Variants in HERPUD1 observed in about 807,000 individuals in gnomAD.
HERPUD1 encodes the protein homocysteine-responsive endoplasmic reticulum-resident ubiquitin-like domain member 1 protein.
A neutral mutation model predicts 45.0 loss-of-function variants in HERPUD1; 17 were observed. That is an observed-to-expected ratio of 0.38 (90% CI 0.26 to 0.57). The LOEUF is 0.57. Among genes scored for constraint, HERPUD1 ranks in the 20% least tolerant of loss-of-function variants. The pLI, the probability that HERPUD1 is intolerant of heterozygous loss-of-function variation, is 0.72. For synonymous variants in HERPUD1, 164 were observed against 177.5 expected, an observed-to-expected ratio of 0.92 and a Z score of 0.61; for missense variants, 420 against 490.5, an observed-to-expected ratio of 0.86 and a Z score of 1.36.
At position 56,935,229 on chromosome 16, in the gene HERPUD1, G is replaced by A; in HGVS notation, c.148-6G>A. ...GACCTGTGTTACTCTTTCTTTCCAT[G>A]ATCAGCGTCCAGAGGACCAGAGGTT... On this transcript the variant is annotated splice_polypyrimidine_tract_variant and splice_region_variant and intron_variant, in intron 1 of 7. Coordinates refer to ENST00000439977, the MANE Select transcript of HERPUD1 (RefSeq NM_014685.4). 6.2e-7 allele frequency: 1 copy of A among 1,609,220 alleles called. No individual in the cohort carries two copies. The highest frequency in any genetic ancestry group is 8.5e-7 in the Non-Finnish European group (1 of 1,175,626).
chr16:56,935,456 T>C lies in HERPUD1; in HGVS notation c.281T>C (p.Met94Thr). The C allele has an allele frequency of 6.2e-7, 1 of 1,614,186 alleles. No individual in the cohort carries two copies. Among genetic ancestry groups the C allele is most frequent in the Non-Finnish European group, 8.5e-7 (1 of 1,180,004 alleles). Reference sequence around the variant, plus strand: ...TGCAATGTGAAGAGTCCTTCAAAAATGCCAGAAATCAACGCCAAGGTGTGT... The same window carrying C: ...TGCAATGTGAAGAGTCCTTCAAAAACGCCAGAAATCAACGCCAAGGTGTGT... The part of the protein sequence containing the change: ...LVCNVKSPSK[M>T]PEINAKVAES... The change falls in exon 3 of 8, where the codon ATG (methionine) becomes ACG (threonine). Residue 94 changes from methionine to threonine, a missense_variant. Transcript: ENST00000439977.
chr16:56,939,488 T>TGCA, intron 5 of HERPUD1, 129 bp downstream of exon 5: 2 of 1,206,910 alleles, frequency 1.7e-6, no homozygotes, highest in Non-Finnish European at 2.4e-6. Flanking sequence ...AGCCCTGCTC[T>TGCA]GTTTGGTCTG....
At position 56,940,159 on chromosome 16, in the gene HERPUD1, A is replaced by G. The variant is rs2055898338; in HGVS notation, c.819A>G (p.Thr273=). ...TGGATTGGACCTATTCAGCAGCTAC[A>G]TTTTCTGTTTTTCTCAGTATCCTCT... ...DWLDWTYSAA[T]FSVFLSILYF... Residue 273 remains threonine, a synonymous_variant, in exon 6 of 8, where the codon ACA becomes ACG. Transcript: ENST00000439977. The G allele has an allele frequency of 1.9e-6, 3 of 1,614,134 alleles. No homozygotes were observed. Among genetic ancestry groups the G allele is most frequent in the East Asian group, 2.2e-5 (1 of 44,886 alleles).
chr16:56,942,359 G>A (rs2055917015), intron 7 of HERPUD1, 122 bp downstream of exon 7: 1 of 625,570 alleles, frequency 1.6e-6, no homozygotes, highest in Non-Finnish European at 2.8e-6. Flanking sequence ...TTCATGATTT[G>A]TTCACATTTC....
At chr16:56,940,585 C>T (rs1398518161) in intron 6 of HERPUD1, among the ~76,000 whole-genome samples, 2 of 152,070 alleles carry the variant, frequency 1.3e-5, no homozygotes, top group East Asian at 1.9e-4. Context: ...GTATTACAGG[C>T]GTGAGCCACC....
rs2055925023 is a variant in HERPUD1, at chr16:56,943,221, A to G, written c.1107A>G (p.Thr369=). The G allele has an allele frequency of 6.2e-7, 1 of 1,614,084 alleles. No individual in the cohort carries two copies. Among genetic ancestry groups the G allele is most frequent in the Admixed American group, 1.7e-5 (1 of 59,992 alleles). The change falls in exon 8 of 8, where the codon ACA becomes ACG. Residue 369 remains threonine (T), a synonymous_variant. Transcript: ENST00000439977. Reference sequence around the variant, plus strand: ...AGACCAGCCCCTCCTTTATGAGCACAGCATGGCTTGTCTTCAAGACTTTCT... The same window carrying G: ...AGACCAGCCCCTCCTTTATGAGCACGGCATGGCTTGTCTTCAAGACTTTCT... ...GEQTSPSFMS[T]AWLVFKTFFA... is the part of the protein sequence containing the mutation.
chr16:56,943,249 G>A lies in HERPUD1; in HGVS notation c.1135G>A (p.Ala379Thr). 6.2e-7 allele frequency: 1 copy of A among 1,614,096 alleles called. No individual in the cohort carries two copies. Among genetic ancestry groups the A allele is most frequent in the Non-Finnish European group, 8.5e-7 (1 of 1,180,020 alleles). Residue 379 changes from alanine to threonine, a missense_variant, in exon 8 of 8, where the codon GCC becomes ACC. Ala to Thr is a moderately conservative substitution (Grantham distance 58, BLOSUM62 0). Transcript: ENST00000439977. ...TAWLVFKTFF[A>T]SLLPEGPPAI... ...ATGGCTTGTCTTCAAGACTTTCTTT[G>A]CCTCTCTTCTTCCAGAAGGCCCCCC...
At chr16:56,934,736 G>A (rs182168044) in intron 1 of HERPUD1, among the ~76,000 whole-genome samples, 7 of 82,676 alleles carry the variant, frequency 8.5e-5, no homozygotes, top group African/African-American at 3.1e-4. Context: ...TTTTGAGATA[G>A]GGTCTCACTC....
intron 4 of HERPUD1, among the ~76,000 whole-genome samples, chr16:56,938,223 G>A (rs1001816810): frequency 3.3e-5 from 5 of 152,132 alleles, no homozygotes; most frequent in South Asian, 2.1e-4. Flanking sequence ...AAGATGACTC[G>A]CATACACCTG....
At chr16:56,933,097 T>C (rs2055839839) in intron 1 of HERPUD1, 3 of 367,262 alleles carry the variant, frequency 8.2e-6, no homozygotes, top group South Asian at 6.2e-5. Context: ...CCGCCTGCCC[T>C]GGCCACCACG....
Position 56,940,012 on chromosome 16 carries a change from G to T in HERPUD1, c.672G>T (p.Gln224His), listed in dbSNP as rs577380719. ...PIHNQFPAEN[Q>H]PANQNAAPQV... ...ACAACCAGTTTCCAGCTGAAAACCA[G>T]CCTGCCAATCAGAATGCTGCTCCTC... Residue 224 changes from glutamine (Q) to histidine (H), a missense_variant, in exon 6 of 8, where the codon CAG (glutamine) becomes CAT (histidine). Physicochemically the swap from Gln to His is conservative, Grantham distance 24. Coordinates refer to ENST00000439977, the MANE Select transcript of HERPUD1 (RefSeq NM_014685.4). The T allele has an allele frequency of 1.2e-5, 19 of 1,614,176 alleles. No individual in the cohort carries two copies. The South Asian group carries it at 2.0e-4, about 17-fold the overall frequency.
At chr16:56,940,332 G>T (rs1364575337) in intron 6 of HERPUD1, 87 bp downstream of exon 6, 2 of 916,732 alleles carry the variant, frequency 2.2e-6, no homozygotes, top group African/African-American at 1.7e-5. Flanking sequence ...TGTTTTTTTT[G>T]AGATGGAGTC....
chr16:56,935,437 G>C lies in HERPUD1; in HGVS notation c.262G>C (p.Val88Leu). 6.2e-7 allele frequency: 1 copy of C among 1,614,210 alleles called. No individual in the cohort carries two copies. The highest frequency in any genetic ancestry group is 8.5e-7 in the Non-Finnish European group (1 of 1,180,026). The change falls in exon 3 of 8, where the codon GTG becomes CTG. Residue 88 changes from valine (V) to leucine (L), a missense_variant. Val to Leu is a conservative substitution (Grantham distance 32). Transcript: ENST00000439977. ...KRHVLHLVCN[V>L]KSPSKMPEIN... is the part of the protein sequence containing the mutation. ...GCATGTTTTGCATCTGGTGTGCAAT[G>C]TGAAGAGTCCTTCAAAAATGCCAGA...
rs79876588 is a variant in HERPUD1, at chr16:56,938,222, C to T, written c.432-1015C>T. On this transcript the variant is annotated intron_variant, in intron 4 of 7. Transcript: ENST00000439977. ...AAGAAGCACAAAGCCAAAGATGACTCGCATACACCTGCCCTGTGAAGTTGA... is the reference window on the plus strand; with the variant it reads ...AAGAAGCACAAAGCCAAAGATGACTTGCATACACCTGCCCTGTGAAGTTGA... Among the ~76,000 whole-genome samples, 705 of 152,258 alleles carry T rather than the reference C, an allele frequency of 4.6e-3. 4 individuals are homozygous for T. Among genetic ancestry groups the T allele is most frequent in the East Asian group, 0.036 (184 of 5,182 alleles).
At position 56,943,994 on chromosome 16, in the gene HERPUD1, T is replaced by C. The variant is rs2055932357; in HGVS notation, c.*704T>C. On this transcript the variant is annotated 3_prime_UTR_variant, in exon 8 of 8. Transcript: ENST00000439977. ...GCTTGTTTTTCAGAAGAGGACTGTT[T>C]GTGCCGGTAAGAATGATCAGGTAAG... 1 of 170,270 alleles carries C rather than the reference T, an allele frequency of 5.9e-6. No homozygotes were observed. Among genetic ancestry groups the C allele is most frequent in the African/African-American group, 2.4e-5 (1 of 41,988 alleles). 10.5% of individuals were successfully genotyped at this position (170,270 alleles called of 1,614,324 possible). A position where few individuals can be genotyped will look rare whatever the true frequency, so the allele number is the denominator to read the frequency against.
intron 5 of HERPUD1, 74 bp from the exon 6 acceptor site, chr16:56,939,821 T>G (rs1305721796): frequency 8.8e-7 from 1 of 1,132,942 alleles, no homozygotes; most frequent in African/African-American, 1.6e-5. Flanking sequence ...AGTAAAAGAC[T>G]GCTGTGTAAA....
chr16:56,938,923 A>T (rs2055887357), intron 4 of HERPUD1, among the ~76,000 whole-genome samples: 1 of 152,178 alleles, frequency 6.6e-6, no homozygotes, highest in African/African-American at 2.4e-5. Context: ...ACCTGCAGTG[A>T]GACTCAACAA....
chr16:56,937,045 A>G, intron 4 of HERPUD1: 1 of 326,516 alleles, frequency 3.1e-6, no homozygotes, highest in Non-Finnish European at 5.6e-6. Context: ...ATATTGAAAA[A>G]AAAAAGAAAA....
rs1233941514 is a variant in HERPUD1, at chr16:56,943,635, AT to A, written c.*346del. The A allele has an allele frequency of 4.7e-6, 2 of 424,332 alleles. No individual in the cohort carries two copies. 26.3% of individuals were successfully genotyped at this position (424,332 alleles called of 1,614,324 possible). A position where few individuals can be genotyped will look rare whatever the true frequency, so the allele number is the denominator to read the frequency against. On this transcript the variant is annotated 3_prime_UTR_variant, in exon 8 of 8. Coordinates refer to ENST00000439977, the MANE Select transcript of HERPUD1 (RefSeq NM_014685.4). Reference sequence around the variant, plus strand: ...GCATGTGTGTTTGTACATAGAAGTCATAGATGCAGAAGTGGTTCTGCTGGTA... The same window carrying A: ...GCATGTGTGTTTGTACATAGAAGTCAAGATGCAGAAGTGGTTCTGCTGGTA...
Sources: gnomAD v4.1 joint callset for allele counts (sites outside exome capture counted in the v4.1 genomes callset) on GRCh38, gnomAD v4.1.1 for gene constraint, MANE v1.5 for transcripts, NCBI Gene and HGNC (gene_info 2026-07-23, HGNC 2026-07-21) for gene names.